Variants in AGL observed in about 807,000 individuals in gnomAD.
AGL encodes amylo-alpha-1,6-glucosidase and 4-alpha-glucanotransferase, also known as glycogen debranching enzyme.
In AGL, 128 loss-of-function variants were observed where a neutral mutation model predicts 199.3. The ratio of observed to expected loss-of-function variants is 0.64; its 90% CI spans 0.56 to 0.74. The LOEUF (loss-of-function observed/expected upper bound fraction) is 0.74, where lower values mean the gene tolerates loss of function less well. Among genes scored for constraint, AGL ranks in the 30% least tolerant of loss-of-function variants. The pLI is 0.00. For synonymous variants in AGL, 584 were observed against 594.7 expected, an observed-to-expected ratio of 0.98 and a Z score of 0.26; for missense variants, 1,809 against 1,820.8, an observed-to-expected ratio of 0.99 and a Z score of 0.12.
chr1:99,901,804 G>T (rs1336859238), intron 26 of AGL, among the ~76,000 whole-genome samples: 1 of 151,842 alleles, frequency 6.6e-6, no homozygotes, highest in African/African-American at 2.4e-5. Context: ...GCTACTCCAG[G>T]GTTAGCATAT....
At chr1:99,900,117 A>G (rs990234379) in intron 25 of AGL, among the ~76,000 whole-genome samples, 4 of 151,536 alleles carry the variant, frequency 2.6e-5, no homozygotes, top group African/African-American at 7.3e-5. Flanking sequence ...TTTAGTAGAG[A>G]CAGCGTTTCA....
At chr1:99,863,101 C>T (rs1650199701) in intron 4 of AGL, among the ~76,000 whole-genome samples, 1 of 151,748 alleles carries the variant, frequency 6.6e-6, no homozygotes, top group Admixed American at 6.6e-5. Flanking sequence ...CACCATGCCT[C>T]ACTAATTTTT....
At chr1:99,871,929 GAAAA>G (rs539188617) in intron 7 of AGL, among the ~76,000 whole-genome samples, 1 of 150,846 alleles carries the variant, frequency 6.6e-6, no homozygotes, top group Non-Finnish European at 1.5e-5. Context: ...GACTCTTTGT[GAAAA>G]AAAATTCAAT....
intron 27 of AGL, among the ~76,000 whole-genome samples, chr1:99,904,450 C>A (rs1382194706): frequency 6.6e-6 from 1 of 152,134 alleles, no homozygotes; most frequent in Non-Finnish European, 1.5e-5. Flanking sequence ...AGTATGTTTT[C>A]AACTTTTAAA....
intron 5 of AGL, 68 bp downstream of exon 5, chr1:99,864,657 A>T (rs1180745272): frequency 7.3e-7 from 1 of 1,364,740 alleles, no homozygotes; most frequent in African/African-American, 1.4e-5. Context: ...TATACACACA[A>T]ATAAGAGAAA....
At chr1:99,861,162 T>G in intron 2 of AGL, 1 of 1,172,140 alleles carries the variant, frequency 8.5e-7, no homozygotes, top group South Asian at 1.9e-5. Flanking sequence ...TGCCTGCCAT[T>G]GGGTACTTAA....
At chr1:99,854,571 G>C (rs1349450657) in intron 2 of AGL, among the ~76,000 whole-genome samples, 2 of 150,734 alleles carry the variant, frequency 1.3e-5, no homozygotes, top group African/African-American at 2.4e-5. Flanking sequence ...GACTATCCTG[G>C]CTAACATAGT....
intron 2 of AGL, among the ~76,000 whole-genome samples, chr1:99,856,436 GTATTTATT>G (rs1320015830): frequency 9.3e-5 from 13 of 139,398 alleles, no homozygotes; most frequent in African/African-American, 1.4e-4. Context: ...TTCTTTTCTT[GTATTTATT>G]TATTTATTTA....
chr1:99,907,412 C>A (rs777759579), intron 27 of AGL, among the ~76,000 whole-genome samples: 4 of 152,096 alleles, frequency 2.6e-5, no homozygotes, highest in Admixed American at 2.6e-4. Flanking sequence ...CTGCTGTGAA[C>A]ATGGGTGTAC....
Position 99,851,015 on chromosome 1 carries a change from A to G in AGL, c.-28A>G. 7.0e-6 allele frequency: 11 copies of G among 1,575,258 alleles called. No homozygotes were observed. The highest frequency in any genetic ancestry group is 9.6e-6 in the Non-Finnish European group (11 of 1,144,734). ...CTGTGGAGTTCTTTTAATTCTTATG[A>G]AAGATTTCAAATCCTCTAGAAGCCA... On this transcript the variant is annotated 5_prime_UTR_variant, in exon 2 of 34. Transcript: ENST00000361915.
At chr1:99,863,925 A>G (rs1430232678) in intron 4 of AGL, among the ~76,000 whole-genome samples, 1 of 152,054 alleles carries the variant, frequency 6.6e-6, no homozygotes, top group Non-Finnish European at 1.5e-5. Context: ...TACAGGTGCA[A>G]ACCACTGCAC....
At chr1:99,882,948 T>A (rs1218369198) in intron 17 of AGL, among the ~76,000 whole-genome samples, 2 of 152,212 alleles carry the variant, frequency 1.3e-5, no homozygotes, top group East Asian at 3.8e-4. Context: ...CCTTATCTGA[T>A]CTTTGCTAAT....
Position 99,875,396 on chromosome 1 carries a change from ACT to A in AGL, c.1225_1226del (p.Leu409GlyfsTer12). 6.2e-7 allele frequency: 1 copy of A among 1,614,174 alleles called. No individual in the cohort carries two copies. Among genetic ancestry groups the A allele is most frequent in the Non-Finnish European group, 8.5e-7 (1 of 1,180,020 alleles). ...TTTTGGGAAATGTGTTTTATGAACGACTGGCTGGCCATGGTCCAAAACTAGGA... is the reference window on the plus strand; with the variant it reads ...TTTTGGGAAATGTGTTTTATGAACGAGGCTGGCCATGGTCCAAAACTAGGA... Reference protein sequence around the residue: ...CLLGNVFYERLAGHGPKLGPV... With the variant: ...CLLGNVFYERXAGHGPKLGPV... On this transcript the variant is annotated frameshift_variant, in exon 10 of 34. Transcript: ENST00000361915. LOFTEE classifies it high-confidence loss of function.
intron 5 of AGL, among the ~76,000 whole-genome samples, chr1:99,866,402 C>T (rs1457584581): frequency 6.6e-6 from 1 of 152,184 alleles, no homozygotes; most frequent in Non-Finnish European, 1.5e-5. Context: ...CAACACTTTG[C>T]TTCAAATTCT....
intron 21 of AGL, among the ~76,000 whole-genome samples, chr1:99,890,540 A>T (rs11581066): frequency 0.14 from 20,604 of 152,068 alleles, 1,496 homozygotes; most frequent in Middle Eastern, 0.18. Context: ...AATTTAGTCT[A>T]AATGAAGTCA....
chr1:99,918,318 G>T (rs1433886142), intron 33 of AGL, among the ~76,000 whole-genome samples: 1 of 151,990 alleles, frequency 6.6e-6, no homozygotes, highest in Non-Finnish European at 1.5e-5. Flanking sequence ...AGTTTTATCT[G>T]GGCTGTTTTT....
chr1:99,872,298 G>A (rs1651082965), intron 7 of AGL, among the ~76,000 whole-genome samples: 1 of 152,096 alleles, frequency 6.6e-6, no homozygotes, highest in South Asian at 2.1e-4. Flanking sequence ...CTCATAAGCT[G>A]TACTGCAGAA....
chr1:99,890,560 A>G (rs1652799896), intron 21 of AGL, among the ~76,000 whole-genome samples: 2 of 152,104 alleles, frequency 1.3e-5, no homozygotes, highest in Admixed American at 6.6e-5. Flanking sequence ...AGTGATGCCA[A>G]TATAATTTTT....
intron 2 of AGL, among the ~76,000 whole-genome samples, chr1:99,859,112 C>G (rs1359810983): frequency 6.6e-6 from 1 of 151,962 alleles, no homozygotes; most frequent in Non-Finnish European, 1.5e-5. Context: ...ACACATATAC[C>G]CAGACAGCTA....
Sources: allele counts gnomAD v4.1 joint callset (sites outside exome capture counted in the v4.1 genomes callset), GRCh38; gene constraint gnomAD v4.1.1; transcripts MANE v1.5; gene names NCBI Gene and HGNC (gene_info 2026-07-23, HGNC 2026-07-21).